The following SYNDIG1 variants were observed in gnomAD, a reference collection of about 807,000 sequenced individuals.
SYNDIG1 encodes the protein synapse differentiation inducing 1, also known as synapse differentiation-inducing gene protein 1.
In SYNDIG1, 9 loss-of-function variants were observed where a neutral mutation model predicts 19.4. The observed-to-expected ratio is 0.46, with a 90% confidence interval of 0.28 to 0.81. The LOEUF is 0.81. SYNDIG1 is among the 30% of genes least tolerant of loss of function. The pLI is 0.12. For missense variants in SYNDIG1, 311 were observed against 343.3 expected, an observed-to-expected ratio of 0.91 and a Z score of 0.74; for synonymous variants, 141 against 145.9, an observed-to-expected ratio of 0.97 and a Z score of 0.24.
intron 1 of SYNDIG1, among the ~76,000 whole-genome samples, chr20:24,473,735 A>C (rs1168545072): frequency 6.6e-6 from 1 of 152,202 alleles, no homozygotes; most frequent in East Asian, 1.9e-4. Context: ...GGAAGGTCCC[A>C]TTTGTTTTCT....
intron 1 of SYNDIG1, among the ~76,000 whole-genome samples, chr20:24,518,352 C>G (rs1001082476): frequency 1.3e-5 from 2 of 151,996 alleles, no homozygotes; most frequent in African/African-American, 4.8e-5. Flanking sequence ...TTTGCAGTCT[C>G]TACAGGCAGT....
rs1313494345 is a variant in SYNDIG1, at chr20:24,665,423, G to A, written c.696G>A (p.Leu232=). 2 of 1,613,472 alleles carry A rather than the reference G, an allele frequency of 1.2e-6. No individual in the cohort carries two copies. The highest frequency in any genetic ancestry group is 1.7e-5 in the Admixed American group (1 of 59,900). ...GGCGGGCCCTATTCCTGGCAGTGCT[G>A]TCCATCACCATTGGGACTGGCGTCT... ...SSRRALFLAV[L]SITIGTGVYV... is the part of the protein sequence containing the mutation. The change falls in exon 4 of 4, where the codon CTG becomes CTA. Residue 232 remains leucine (L), a synonymous_variant. Coordinates refer to ENST00000376862, the MANE Select transcript of SYNDIG1 (RefSeq NM_024893.3).
intron 3 of SYNDIG1, among the ~76,000 whole-genome samples, chr20:24,652,467 T>TGGAC (rs2059482658): frequency 6.6e-6 from 1 of 152,238 alleles, no homozygotes; most frequent in African/African-American, 2.4e-5. Context: ...GGCTTCTGCC[T>TGGAC]GTCCTACGCT....
intron 1 of SYNDIG1, among the ~76,000 whole-genome samples, chr20:24,516,705 T>C (rs1430633448): frequency 2.0e-5 from 3 of 152,144 alleles, no homozygotes; most frequent in Non-Finnish European, 4.4e-5. Flanking sequence ...TAGGAACACT[T>C]TTACACTGTT....
chr20:24,517,805 T>TTATA (rs113490676), intron 1 of SYNDIG1, among the ~76,000 whole-genome samples: 1,676 of 143,158 alleles, frequency 0.012, 36 homozygotes, highest in African/African-American at 0.041. Context: ...AAAATATTTT[T>TTATA]TATATATATA....
chr20:24,571,795 C>A (rs947269391), intron 2 of SYNDIG1, among the ~76,000 whole-genome samples: 2 of 152,162 alleles, frequency 1.3e-5, no homozygotes, highest in Non-Finnish European at 2.9e-5. Flanking sequence ...CAGAGGCAAC[C>A]TTTTGAAATT....
intron 3 of SYNDIG1, among the ~76,000 whole-genome samples, chr20:24,602,991 G>A (rs1015810449): frequency 1.3e-5 from 2 of 152,074 alleles, no homozygotes; most frequent in African/African-American, 4.8e-5. Context: ...CAATGCTATC[G>A]AGGCTAATGA....
intron 3 of SYNDIG1, among the ~76,000 whole-genome samples, chr20:24,635,948 A>G (rs1600806989): frequency 6.6e-6 from 1 of 152,184 alleles, no homozygotes; most frequent in East Asian, 1.9e-4. Flanking sequence ...TTCACTGACA[A>G]TACTTTCCAA....
At chr20:24,522,945 G>A (rs1206147414) in intron 1 of SYNDIG1, among the ~76,000 whole-genome samples, 1 of 152,172 alleles carries the variant, frequency 6.6e-6, no homozygotes, top group Non-Finnish European at 1.5e-5. Context: ...ATGGCACCAA[G>A]CCCTTCATGA....
chr20:24,640,801 G>A (rs2059368916), intron 3 of SYNDIG1, among the ~76,000 whole-genome samples: 1 of 152,090 alleles, frequency 6.6e-6, no homozygotes, highest in Admixed American at 6.5e-5. Context: ...ATCTCTAGAG[G>A]CACCAAACTA....
At chr20:24,568,925 T>C (rs2058096087) in intron 2 of SYNDIG1, among the ~76,000 whole-genome samples, 1 of 152,204 alleles carries the variant, frequency 6.6e-6, no homozygotes, top group Non-Finnish European at 1.5e-5. Flanking sequence ...TTCTCAGAGA[T>C]GGTGCACGTC....
chr20:24,513,792 T>G (rs1345156412), intron 1 of SYNDIG1, among the ~76,000 whole-genome samples: 2 of 152,030 alleles, frequency 1.3e-5, no homozygotes, highest in East Asian at 3.9e-4. Context: ...AAGATACTCC[T>G]CAAAAAGAGC....
chr20:24,542,968 C>T, intron 1 of SYNDIG1, 52 bp from the exon 2 acceptor site: 2 of 1,398,070 alleles, frequency 1.4e-6, no homozygotes, highest in Non-Finnish European at 1.9e-6. Context: ...GGGTGATTAG[C>T]TTGTTTTCAA....
intron 2 of SYNDIG1, among the ~76,000 whole-genome samples, chr20:24,555,302 C>A (rs2057791090): frequency 1.3e-5 from 2 of 152,130 alleles, no homozygotes; most frequent in Admixed American, 1.3e-4. Context: ...GTCTCTATTT[C>A]CTTCAGTTCT....
At chr20:24,572,145 T>G (rs1396014687) in intron 2 of SYNDIG1, among the ~76,000 whole-genome samples, 2 of 152,252 alleles carry the variant, frequency 1.3e-5, no homozygotes. Context: ...TAGCACTGAA[T>G]TAAAGCCTTC....
In SYNDIG1 at chr20:24,614,185, G is replaced by A. The variant is rs1044794790; in HGVS notation, c.618+29192G>A. ...CACCTGGCTAATTTTTAAATTTTTT[G>A]TAGAGATGCGGTCTCACTATGTTGC... On this transcript the variant is annotated intron_variant, in intron 3 of 3. Transcript: ENST00000376862. Among the ~76,000 whole-genome samples, 31 of 152,038 alleles carry A rather than the reference G, an allele frequency of 2.0e-4. 1 individual carries two copies. Among genetic ancestry groups the A allele is most frequent in the African/African-American group, 7.2e-4 (30 of 41,396 alleles).
At chr20:24,525,101 C>T (rs1248653206) in intron 1 of SYNDIG1, among the ~76,000 whole-genome samples, 1 of 151,940 alleles carries the variant, frequency 6.6e-6, no homozygotes, top group African/African-American at 2.4e-5. Flanking sequence ...TGATCCTGAC[C>T]TAAGTATTTT....
chr20:24,530,034 G>GTGA (rs1418058202), intron 1 of SYNDIG1, among the ~76,000 whole-genome samples: 17 of 145,250 alleles, frequency 1.2e-4, no homozygotes, highest in Admixed American at 2.1e-4. Context: ...CGTGGTGATG[G>GTGA]TGGTAATGGT....
intron 3 of SYNDIG1, among the ~76,000 whole-genome samples, chr20:24,663,192 G>A (rs1268861543): frequency 2.0e-5 from 3 of 152,208 alleles, no homozygotes; most frequent in East Asian, 1.9e-4. Context: ...TGACGTTGCT[G>A]AAGGCAGCCT....
Sources: allele counts gnomAD v4.1 joint callset (sites outside exome capture counted in the v4.1 genomes callset), GRCh38; gene constraint gnomAD v4.1.1; transcripts MANE v1.5; gene names NCBI Gene and HGNC (gene_info 2026-07-23, HGNC 2026-07-21).